Variants in KDM5C observed in about 807,000 individuals in gnomAD.
KDM5C encodes lysine-specific demethylase 5C.
Under a neutral mutation model 110.6 loss-of-function variants are expected in KDM5C, and 16 were observed. The ratio of observed to expected loss-of-function variants is 0.14; its 90% confidence interval spans 0.10 to 0.22. The LOEUF (loss-of-function observed/expected upper bound fraction) is 0.22. Ranked by LOEUF, KDM5C falls within the 10% of genes least tolerant of loss-of-function variation. The pLI, the probability that KDM5C is intolerant of heterozygous loss-of-function variation, is 1.00. For synonymous variants in KDM5C, 511 were observed against 520.4 expected, an observed-to-expected ratio of 0.98 and a Z score of 0.24; for missense variants, 681 against 1,300.9, an observed-to-expected ratio of 0.52 and a Z score of 7.33.
intron 1 of KDM5C, chrX:53,221,702 T>C (rs930776242): frequency 2.3e-5 from 22 of 970,947 alleles, no homozygotes; most frequent in Non-Finnish European, 2.7e-5. Flanking sequence ...TCTGGAAGGC[T>C]TCCTGTAGAT....
intron 12 of KDM5C, among the ~76,000 whole-genome samples, chrX:53,209,685 G>A (rs1376060971): frequency 9.0e-6 from 1 of 111,557 alleles, no homozygotes; most frequent in Admixed American, 9.5e-5. Context: ...CAGGACTAGT[G>A]ATCAGGCTGT....
chrX:53,188,708 CAA>C (rs1306273073), downstream of KDM5C, among the ~76,000 whole-genome samples: 3 of 111,457 alleles, frequency 2.7e-5, no homozygotes, highest in African/African-American at 9.8e-5. Flanking sequence ...TAGAATATTG[CAA>C]AAGTGATGGG....
rs1321973508 is a variant in KDM5C, at chrX:53,218,701, G to A, written c.229-303C>T. The A allele has an allele frequency of 9.6e-5, 38 of 397,001 alleles. 1 individual carries two copies. The highest frequency in any genetic ancestry group is 1.7e-4 in the Non-Finnish European group (36 of 215,423). The allele number at this position is 397,001 out of a possible 1,213,427, so 32.7% of individuals were successfully genotyped here. A position where few individuals can be genotyped will look rare whatever the true frequency, so the allele number is the denominator to read the frequency against. On this transcript the variant is annotated intron_variant, in intron 2 of 25. Transcript: ENST00000375401. ...AGTGATCCTCCTGCCTCAGCCTCCT[G>A]AGTAGCTGGAACTATAGGCGCACGC...
At position 53,225,189 on chromosome X, in the gene KDM5C, G is replaced by A; in HGVS notation, c.-300C>T. 2 of 355,025 alleles carry A rather than the reference G, an allele frequency of 5.6e-6. No homozygotes were observed. Among genetic ancestry groups the A allele is most frequent in the Non-Finnish European group, 9.8e-6 (2 of 204,639 alleles). The allele number at this position is 355,025 out of a possible 1,213,427, so 29.3% of individuals were successfully genotyped here. A position where few individuals can be genotyped will look rare whatever the true frequency, so the allele number is the denominator to read the frequency against. Reference sequence around the variant, plus strand: ...AAACGCCGCGGCCTTCAGCGCCGCCGCCGCCATCTTGGTTTGTCAGCGTCT... The same window carrying A: ...AAACGCCGCGGCCTTCAGCGCCGCCACCGCCATCTTGGTTTGTCAGCGTCT... On this transcript the variant is annotated 5_prime_UTR_variant, in exon 1 of 26. Coordinates refer to ENST00000375401, the MANE Select transcript of KDM5C (RefSeq NM_004187.5).
chrX:53,190,328 G>A (rs782178589), downstream of KDM5C, among the ~76,000 whole-genome samples: 46 of 112,688 alleles, frequency 4.1e-4, no homozygotes, highest in Non-Finnish European at 7.5e-4. Context: ...GGACACAGAC[G>A]TGCCAACATG....
chrX:53,206,732 C>T (rs781914619), intron 12 of KDM5C, among the ~76,000 whole-genome samples: 3 of 106,430 alleles, frequency 2.8e-5, no homozygotes, highest in South Asian at 4.2e-4. Flanking sequence ...GATGTGGTGG[C>T]GCACGCCTGT....
intron 17 of KDM5C, 43 bp from the exon 18 acceptor site, chrX:53,197,919 C>A: frequency 1.1e-6 from 1 of 951,517 alleles, no homozygotes; most frequent in Non-Finnish European, 1.5e-6. Context: ...AAACTCAGTG[C>A]CTTCCCTCCA....
At chrX:53,195,894 G>A (rs2146831713) in intron 20 of KDM5C, 22 bp downstream of exon 20, 1 of 1,203,888 alleles carries the variant, frequency 8.3e-7, no homozygotes, top group African/African-American at 1.7e-5. Flanking sequence ...AAGGCCTGGG[G>A]TGGGAGTGGC....
Position 53,211,532 on chromosome X carries a change from T to C in KDM5C, c.1366A>G (p.Ser456Gly). ...SKEFGSGFPV[S>G]DSKRHLTPEE... Reference sequence around the variant, plus strand: ...GGGGTTAGGTGCCGTTTACTGTCACTGACAGGGAAACCGCTGCCAAATTCT... The same window carrying C: ...GGGGTTAGGTGCCGTTTACTGTCACCGACAGGGAAACCGCTGCCAAATTCT... The change falls in exon 10 of 26, where the codon AGT becomes GGT. Residue 456 changes from serine (S) to glycine (G), a missense_variant. Ser to Gly is a moderately conservative substitution (Grantham distance 56, BLOSUM62 0). Around this residue, in one of 14 missense-constraint regions of KDM5C, gnomAD observed 41 missense variants for 205.9 expected, o/e 0.20. Coordinates refer to ENST00000375401, the MANE Select transcript of KDM5C (RefSeq NM_004187.5). 1 of 1,212,174 alleles carries C rather than the reference T, an allele frequency of 8.2e-7. No homozygotes were observed. Among genetic ancestry groups the C allele is most frequent in the Admixed American group, 2.2e-5 (1 of 46,099 alleles).
rs1249988689 is a variant in KDM5C at position 53,196,079 on chromosome X, C to T, written c.2982-25G>A. On this transcript the variant is annotated intron_variant, in intron 19 of 25. Coordinates refer to ENST00000375401, the MANE Select transcript of KDM5C (RefSeq NM_004187.5). ...CCTAAAGGTAAGGAAAAAAAGAACG[C>T]TCAGTCTGATGTGGTCTGCCTGACC... 2.5e-6 allele frequency: 3 copies of T among 1,209,958 alleles called. No homozygotes were observed. The East Asian group carries it at 8.9e-5, about 36-fold the overall frequency.
At chrX:53,182,940 C>T in intron 25 of KDM5C, among the ~76,000 whole-genome samples, 1 of 111,501 alleles carries the variant, frequency 9.0e-6, no homozygotes, top group Non-Finnish European at 1.9e-5. Context: ...ACATTAACTC[C>T]TATGTTTTCC....
At chrX:53,210,192 T>C (rs782598690) in intron 12 of KDM5C, among the ~76,000 whole-genome samples, 4 of 112,736 alleles carry the variant, frequency 3.5e-5, no homozygotes, top group South Asian at 7.4e-4. Context: ...CCCTTAGCTG[T>C]TACCGTCAAA....
At chrX:53,215,122 A>G in intron 7 of KDM5C, 1 of 466,700 alleles carries the variant, frequency 2.1e-6, no homozygotes, top group Admixed American at 2.7e-5. Flanking sequence ...TATCCTTCCA[A>G]GTATATACAG....
At chrX:53,197,685 TAAGCTTTTG>T (rs1164340861) in intron 18 of KDM5C, 77 bp downstream of exon 18, 2 of 763,802 alleles carry the variant, frequency 2.6e-6, no homozygotes, top group African/African-American at 4.2e-5. Context: ...CTGAACACTT[TAAGCTTTTG>T]AAAGGAGCCA....
chrX:53,197,082 G>A (rs1556838020), intron 18 of KDM5C, 38 bp from the exon 19 acceptor site: 1 of 1,056,567 alleles, frequency 9.5e-7, no homozygotes, highest in Non-Finnish European at 1.3e-6. Flanking sequence ...CTCCTCAGCT[G>A]GGCCCACTGA....
Position 53,201,679 on chromosome X carries a change from A to G in KDM5C, c.1932T>C (p.His644=). ...CAGCCATCTTGCAGATAAGCTCCTCATGGGAGAAGACGCAGTATCTCCGGA... is the reference window on the plus strand; with the variant it reads ...CAGCCATCTTGCAGATAAGCTCCTCGTGGGAGAAGACGCAGTATCTCCGGA... The part of the protein sequence containing the change: ...RRLRRYCVFS[H]EELICKMAAC... Residue 644 remains histidine (H), a synonymous_variant, in exon 14 of 26, where the codon CAT becomes CAC. Coordinates refer to ENST00000375401, the MANE Select transcript of KDM5C (RefSeq NM_004187.5). 1 of 1,211,954 alleles carries G rather than the reference A, an allele frequency of 8.3e-7. No individual in the cohort carries two copies. Among genetic ancestry groups the G allele is most frequent in the Non-Finnish European group, 1.1e-6 (1 of 895,522 alleles).
chrX:53,220,980 C>G (rs1395463401), intron 1 of KDM5C, 64 bp from the exon 2 acceptor site: 1 of 986,911 alleles, frequency 1.0e-6, no homozygotes, highest in Non-Finnish European at 1.4e-6. Context: ...CCGGAAGTCA[C>G]CAAAAGCAGC....
chrX:53,181,136 T>A (rs1241930272), intron 25 of KDM5C, among the ~76,000 whole-genome samples: 15 of 107,345 alleles, frequency 1.4e-4, no homozygotes, highest in African/African-American at 5.1e-4. Flanking sequence ...TATATATATA[T>A]TTTTTTTTGT....
At chrX:53,209,966 A>G (rs781901223) in intron 12 of KDM5C, among the ~76,000 whole-genome samples, 8 of 112,484 alleles carry the variant, frequency 7.1e-5, no homozygotes, top group Admixed American at 4.7e-4. Context: ...GTCTTCTGTC[A>G]TAACAACATG....
Sources: allele counts gnomAD v4.1 joint callset (sites outside exome capture counted in the v4.1 genomes callset), GRCh38; gene constraint gnomAD v4.1.1; regional missense constraint gnomAD v4.1.1; transcripts MANE v1.5; gene names NCBI Gene and HGNC (gene_info 2026-07-23, HGNC 2026-07-21).